Variants in TSPEAR observed in about 807,000 individuals in gnomAD.
The protein encoded by TSPEAR is thrombospondin type laminin G domain and EAR repeats, also known as thrombospondin-type laminin G domain and EAR repeat-containing protein.
TSPEAR carries 69 observed loss-of-function variants against 71.6 expected under a neutral mutation model. The observed-to-expected ratio is 0.96, with a 90% confidence interval of 0.79 to 1.18. The LOEUF (loss-of-function observed/expected upper bound fraction) is 1.18, where lower values mean the gene tolerates loss of function less well. Among genes scored for constraint, TSPEAR ranks in the 50% most tolerant of loss-of-function variants. The probability of loss-of-function intolerance (pLI) is 0.00; values close to 1 mark genes in which losing one functional copy is unlikely to be tolerated. For missense variants in TSPEAR, 971 were observed against 894.9 expected (o/e 1.09, Z -1.09); for synonymous variants, 402 against 387.2 (o/e 1.04, Z -0.45).
intron 1 of TSPEAR, among the ~76,000 whole-genome samples, chr21:44,653,661 G>A (rs376653136): frequency 1.3e-5 from 2 of 152,208 alleles, no homozygotes; most frequent in Non-Finnish European, 2.9e-5. Flanking sequence ...CAGATGGCCC[G>A]TTTTACCTAA....
At chr21:44,562,675 T>C (rs1555921262) in intron 2 of TSPEAR, among the ~76,000 whole-genome samples, 27 of 152,150 alleles carry the variant, frequency 1.8e-4, no homozygotes. Context: ...AGTTCACTTC[T>C]TATCAGAAAC....
chr21:44,653,398 GC>G (rs145671714), intron 1 of TSPEAR, among the ~76,000 whole-genome samples: 5 of 152,110 alleles, frequency 3.3e-5, no homozygotes, highest in African/African-American at 4.8e-5. Context: ...TGACAGGGCT[GC>G]CCCCGGGCTG....
At chr21:44,665,359 G>T (rs1333487110) in intron 1 of TSPEAR, among the ~76,000 whole-genome samples, 2 of 152,218 alleles carry the variant, frequency 1.3e-5, no homozygotes, top group Non-Finnish European at 2.9e-5. Context: ...AAGAGGGCTG[G>T]CCCATCTACT....
At chr21:44,516,919 G>A (rs1466327351) in intron 9 of TSPEAR, among the ~76,000 whole-genome samples, 7 of 152,234 alleles carry the variant, frequency 4.6e-5, no homozygotes, top group Admixed American at 1.3e-4. Context: ...ATGCGAGAAC[G>A]CTCCCAGCTC....
intron 5 of TSPEAR, 59 bp from the exon 6 acceptor site, chr21:44,528,642 A>G: frequency 6.3e-7 from 1 of 1,592,926 alleles, no homozygotes; most frequent in Non-Finnish European, 8.6e-7. Context: ...AAGGAAGACG[A>G]CACAGGAAGA....
chr21:44,639,630 G>A (rs2838606), intron 1 of TSPEAR, among the ~76,000 whole-genome samples: 29,166 of 152,214 alleles, frequency 0.19, 2,881 homozygotes, highest in African/African-American at 0.21. Context: ...GGTTTTTGGG[G>A]CAGCTGGCAG....
intron 1 of TSPEAR, among the ~76,000 whole-genome samples, chr21:44,640,124 A>G (rs1983941170): frequency 6.6e-6 from 1 of 152,234 alleles, no homozygotes; most frequent in Non-Finnish European, 1.5e-5. Context: ...CAAGAAGTGG[A>G]AAGAGCCCAA....
At chr21:44,662,175 C>A (rs1361167715) in intron 1 of TSPEAR, among the ~76,000 whole-genome samples, 2 of 151,916 alleles carry the variant, frequency 1.3e-5, no homozygotes, top group African/African-American at 2.4e-5. Context: ...CATCTAAACA[C>A]CAAAACCAAA....
At chr21:44,657,920 A>G in intron 1 of TSPEAR, 1 of 1,545,746 alleles carries the variant, frequency 6.5e-7, no homozygotes, top group African/African-American at 1.4e-5. Context: ...AGACCACCAG[A>G]GAAGCAGCTT....
intron 1 of TSPEAR, chr21:44,647,646 G>A (rs1984521484): frequency 4.3e-6 from 2 of 460,168 alleles, no homozygotes; most frequent in South Asian, 2.7e-5. Context: ...TCTTGAGTCA[G>A]GAAATACGGG....
intron 1 of TSPEAR, among the ~76,000 whole-genome samples, chr21:44,573,102 C>G (rs1178734330): frequency 6.6e-6 from 1 of 152,154 alleles, no homozygotes; most frequent in South Asian, 2.1e-4. Context: ...GTGTGACCAG[C>G]CAGTTTGTGG....
At chr21:44,649,224 AGACACCCTC>A (rs1254189044) in intron 1 of TSPEAR, among the ~76,000 whole-genome samples, 2 of 152,204 alleles carry the variant, frequency 1.3e-5, no homozygotes, top group East Asian at 3.9e-4. Context: ...TCCAGCCTGC[AGACACCCTC>A]GCCCAGTTGT....
chr21:44,677,368 A>G, intron 1 of TSPEAR: 1 of 1,402,924 alleles, frequency 7.1e-7, no homozygotes, highest in Non-Finnish European at 1.0e-6. Context: ...AATATGTTGG[A>G]GTGTGCATTG....
At chr21:44,627,233 A>G (rs782083605) in intron 1 of TSPEAR, 1 of 1,612,632 alleles carries the variant, frequency 6.2e-7, no homozygotes, top group Non-Finnish European at 8.5e-7. Context: ...CAGGTGGACG[A>G]CTGCCCAGAG....
intron 2 of TSPEAR, among the ~76,000 whole-genome samples, chr21:44,559,391 C>G (rs782777595): frequency 6.6e-6 from 1 of 152,194 alleles, no homozygotes; most frequent in African/African-American, 2.4e-5. Context: ...AGCAGGGAGG[C>G]AGCTGCAGGC....
intron 9 of TSPEAR, among the ~76,000 whole-genome samples, chr21:44,514,208 A>C (rs1309866000): frequency 6.6e-6 from 1 of 152,126 alleles, no homozygotes; most frequent in Non-Finnish European, 1.5e-5. Context: ...GTGCAGATGG[A>C]GACTCAGACA....
At chr21:44,657,362 T>G (rs1433228210) in intron 1 of TSPEAR, among the ~76,000 whole-genome samples, 1 of 152,224 alleles carries the variant, frequency 6.6e-6, no homozygotes, top group Non-Finnish European at 1.5e-5. Context: ...TAACTTTCTG[T>G]AAAGGGCAGA....
At chr21:44,564,895 C>A (rs1264547234) in intron 2 of TSPEAR, among the ~76,000 whole-genome samples, 1 of 151,958 alleles carries the variant, frequency 6.6e-6, no homozygotes, top group Admixed American at 6.6e-5. Flanking sequence ...ATAAAATAAA[C>A]CTCCAGTAAA....
At chr21:44,522,715 C>T (rs2052759661) in intron 8 of TSPEAR, among the ~76,000 whole-genome samples, 1 of 152,286 alleles carries the variant, frequency 6.6e-6, no homozygotes, top group South Asian at 2.1e-4. Context: ...CCTTCCAGGC[C>T]AGTGCTCCTC....
Sources: allele counts gnomAD v4.1 joint callset (sites outside exome capture counted in the v4.1 genomes callset), GRCh38; gene constraint gnomAD v4.1.1; transcripts MANE v1.5; gene names NCBI Gene and HGNC (gene_info 2026-07-23, HGNC 2026-07-21).